MAPK6: variants seen among roughly 807,000 people sequenced by gnomAD.
MAPK6 encodes ERK-3.
In MAPK6, 19 loss-of-function variants were observed where a neutral mutation model predicts 59.3. That is an observed-to-expected ratio of 0.32 (90% CI 0.22 to 0.47). The LOEUF (loss-of-function observed/expected upper bound fraction) is 0.47. MAPK6 is among the 20% of genes least tolerant of loss of function. The pLI is 1.00. For synonymous variants in MAPK6, 316 were observed against 290.3 expected (o/e 1.09, Z -0.90); for missense variants, 724 against 847.9 (o/e 0.85, Z 1.81).
intron 1 of MAPK6, among the ~76,000 whole-genome samples, chr15:51,973,523 A>C (rs1207038294): frequency 6.6e-6 from 1 of 151,858 alleles, no homozygotes; most frequent in Non-Finnish European, 1.5e-5. Flanking sequence ...TAATAAATTG[A>C]ATTACAGTTT....
Position 52,006,421 on chromosome 15 carries a change from G to T in MAPK6, c.-632+2019G>T, listed in dbSNP as rs140497322. Among the ~76,000 whole-genome samples the T allele has an allele frequency of 2.7e-3, 408 of 152,166 alleles. 4 individuals are homozygous for T. The highest frequency in any genetic ancestry group is 9.3e-3 in the African/African-American group (385 of 41,522). ...TGCTTTAAAAGTAGAATTAAATAAG[G>T]GGAAATTTGAAGGAAACCCCTATTC... On this transcript the variant is annotated intron_variant, in intron 3 of 7. Coordinates refer to the MAPK6 transcript ENST00000691380.
At chr15:51,997,506 C>T (rs2057228163) in intron 2 of MAPK6, among the ~76,000 whole-genome samples, 2 of 152,182 alleles carry the variant, frequency 1.3e-5, no homozygotes, top group Non-Finnish European at 2.9e-5. Context: ...GATCTACCCG[C>T]CTTGGCCTCC....
intron 2 of MAPK6, among the ~76,000 whole-genome samples, chr15:51,984,447 ATTTTTTTTTTTTTTTTTT>A (rs71130112): frequency 1.4e-5 from 1 of 69,984 alleles, no homozygotes; most frequent in Admixed American, 2.1e-4. Flanking sequence ...ACGCCGGCTA[ATTTTTTTTTTTTTTTTTT>A]TTTTTTTTTT....
intron 3 of MAPK6, among the ~76,000 whole-genome samples, chr15:52,055,179 CAG>C (rs1468342057): frequency 2.0e-5 from 3 of 152,134 alleles, no homozygotes; most frequent in Non-Finnish European, 2.9e-5. Context: ...AGGCTGAGAC[CAG>C]AGGATCACTT....
chr15:52,034,387 A>AT (rs1331059801), intron 1 of MAPK6, among the ~76,000 whole-genome samples: 1 of 151,282 alleles, frequency 6.6e-6, no homozygotes, highest in Non-Finnish European at 1.5e-5. Context: ...ATCTCGGCTC[A>AT]TGGCAACCTC....
At chr15:51,974,591 G>A (rs545305650) in intron 1 of MAPK6, among the ~76,000 whole-genome samples, 19 of 147,042 alleles carry the variant, frequency 1.3e-4, no homozygotes, top group Non-Finnish European at 1.8e-4. Flanking sequence ...CCCAGGAGGC[G>A]GAGCTTGCAG....
chr15:52,058,944 T>G (rs1481827798), intron 4 of MAPK6, 147 bp downstream of exon 4: 1 of 543,500 alleles, frequency 1.8e-6, no homozygotes, highest in Non-Finnish European at 2.9e-6. Flanking sequence ...ACTTCAACTC[T>G]CATTTTCCCT....
intron 3 of MAPK6, among the ~76,000 whole-genome samples, chr15:52,053,603 GTTGATTGATTGATTGATTGA>G (rs1195345700): frequency 6.0e-5 from 1 of 16,654 alleles, no homozygotes; most frequent in Non-Finnish European, 2.5e-4. Flanking sequence ...TGATTGATTG[GTTGATTGATTGATTGATTGA>G]TTGGTTGATT....
At chr15:51,994,397 GA>G (rs1253639894) in intron 2 of MAPK6, among the ~76,000 whole-genome samples, 1 of 152,062 alleles carries the variant, frequency 6.6e-6, no homozygotes, top group Non-Finnish European at 1.5e-5. Context: ...TTGAACCCAG[GA>G]ATTTCAGACT....
At position 51,986,220 on chromosome 15, in the gene MAPK6, T is replaced by C. The variant is rs530153665; in HGVS notation, c.-770+2905T>C. Among the ~76,000 whole-genome samples the C allele has an allele frequency of 5.9e-5, 9 of 152,242 alleles. No individual in the cohort carries two copies. In the East Asian group the frequency reaches 1.7e-3, roughly 29 times the overall value. On this transcript the variant is annotated intron_variant, in intron 2 of 7. Transcript: ENST00000691380. ...TTTCATGAGAACTTACTAATTGTCATGAGAACAGCAAGAAGAAAATCCACT... is the reference window on the plus strand; with the variant it reads ...TTTCATGAGAACTTACTAATTGTCACGAGAACAGCAAGAAGAAAATCCACT...
chr15:52,022,058 T>C (rs772597488), intron 1 of MAPK6, among the ~76,000 whole-genome samples: 15 of 152,114 alleles, frequency 9.9e-5, no homozygotes, highest in Non-Finnish European at 2.2e-4. Context: ...GTGCGTTGGC[T>C]CACACCTGTA....
chr15:51,994,007 C>T (rs2057217530), intron 2 of MAPK6, among the ~76,000 whole-genome samples: 1 of 152,028 alleles, frequency 6.6e-6, no homozygotes, highest in African/African-American at 2.4e-5. Context: ...GTCACCCAGG[C>T]TGGAGTGCAA....
intron 5 of MAPK6, among the ~76,000 whole-genome samples, chr15:52,062,960 G>A (rs1269843954): frequency 1.3e-5 from 2 of 152,082 alleles, no homozygotes; most frequent in Admixed American, 1.3e-4. Context: ...AAGATTTTAA[G>A]AAGAAATTTT....
chr15:52,049,613 T>C (rs1010390918), intron 2 of MAPK6, among the ~76,000 whole-genome samples: 1 of 126,746 alleles, frequency 7.9e-6, no homozygotes, highest in African/African-American at 3.0e-5. Context: ...AAGATTAGGA[T>C]TTTTTTTTTT....
At chr15:52,045,707 A>G (rs536212736) in intron 1 of MAPK6, 123 bp from the exon 2 acceptor site, 3 of 152,770 alleles carry the variant, frequency 2.0e-5, no homozygotes, top group Admixed American at 6.5e-5. Flanking sequence ...CTTAATGACC[A>G]TAATTAAGTT....
At chr15:52,029,448 C>G (rs2030944381) in intron 1 of MAPK6, among the ~76,000 whole-genome samples, 1 of 151,938 alleles carries the variant, frequency 6.6e-6, no homozygotes, top group Admixed American at 6.6e-5. Flanking sequence ...TCTCATTCAA[C>G]TCATTGTTTT....
intron 2 of MAPK6, among the ~76,000 whole-genome samples, chr15:51,987,087 G>C (rs2057193171): frequency 6.6e-6 from 1 of 152,138 alleles, no homozygotes; most frequent in Non-Finnish European, 1.5e-5. Flanking sequence ...AAAAAATCTG[G>C]ACTATTTCAA....
At chr15:52,011,968 A>G (rs1235807599) in intron 3 of MAPK6, among the ~76,000 whole-genome samples, 3 of 152,194 alleles carry the variant, frequency 2.0e-5, no homozygotes, top group African/African-American at 7.2e-5. Context: ...AGTTCCTTTT[A>G]GACCCTCCTT....
In MAPK6 at chr15:52,050,212, A is replaced by G. The variant is rs150219172; in HGVS notation, c.700+75A>G. The G allele has an allele frequency of 4.2e-4, 541 of 1,278,806 alleles. 3 individuals carry two copies. The African/African-American group carries it at 6.8e-3, about 16-fold the overall frequency. 79.2% of individuals were successfully genotyped at this position (1,278,806 alleles called of 1,614,324 possible). A position where few individuals can be genotyped will look rare whatever the true frequency, so the allele number is the denominator to read the frequency against. On this transcript the variant is annotated intron_variant, in intron 3 of 5. Coordinates refer to ENST00000261845, the MANE Select transcript of MAPK6 (RefSeq NM_002748.4). Reference sequence around the variant, plus strand: ...ATTTTATCTCTGAAGCAAGATTCATATAAGATTTAAAATAATTTGTTATGA... The same window carrying G: ...ATTTTATCTCTGAAGCAAGATTCATGTAAGATTTAAAATAATTTGTTATGA...
Sources: gnomAD v4.1 joint callset for allele counts (sites outside exome capture counted in the v4.1 genomes callset) on GRCh38, gnomAD v4.1.1 for gene constraint, MANE v1.5 for transcripts, NCBI Gene and HGNC (gene_info 2026-07-23, HGNC 2026-07-21) for gene names.